Variants in DYNC2H1 observed in about 807,000 individuals in gnomAD.
DYNC2H1 encodes cytoplasmic dynein 2 heavy chain 1.
Under a neutral mutation model 570.0 loss-of-function variants are expected in DYNC2H1, and 410 were observed. The ratio of observed to expected loss-of-function variants is 0.72; its 90% CI spans 0.66 to 0.78. The LOEUF is 0.78. Ranked by LOEUF, DYNC2H1 falls within the 30% of genes least tolerant of loss-of-function variation. The pLI is 0.00. For missense variants in DYNC2H1, 4,865 were observed against 5,046.4 expected, an observed-to-expected ratio of 0.96 and a Z score of 1.09; for synonymous variants, 1,688 against 1,677.6, an observed-to-expected ratio of 1.01 and a Z score of -0.15.
At chr11:103,131,721 A>ATT (rs911586912) in intron 13 of DYNC2H1, among the ~76,000 whole-genome samples, 7 of 149,680 alleles carry the variant, frequency 4.7e-5, no homozygotes, top group South Asian at 2.1e-4. Context: ...CATATTTGAC[A>ATT]TTTTTTTTTT....
intron 87 of DYNC2H1, among the ~76,000 whole-genome samples, chr11:103,467,442 C>T (rs1033892996): frequency 6.6e-6 from 1 of 152,168 alleles, no homozygotes; most frequent in Non-Finnish European, 1.5e-5. Flanking sequence ...TTCACTCTTC[C>T]AATTTAGTGT....
chr11:103,368,883 G>A (rs897006519), intron 83 of DYNC2H1, among the ~76,000 whole-genome samples: 17 of 151,970 alleles, frequency 1.1e-4, no homozygotes, highest in African/African-American at 3.9e-4. Context: ...AAATCAGTTG[G>A]CTGACTTTGG....
At chr11:103,398,871 T>A (rs749216501) in intron 83 of DYNC2H1, among the ~76,000 whole-genome samples, 9 of 152,170 alleles carry the variant, frequency 5.9e-5, no homozygotes, top group Non-Finnish European at 8.8e-5. Context: ...TAAGATATAA[T>A]GTTCACTGAT....
chr11:103,422,520 C>T (rs1033662611), intron 84 of DYNC2H1, among the ~76,000 whole-genome samples: 31 of 152,060 alleles, frequency 2.0e-4, no homozygotes, highest in Admixed American at 1.9e-3. Context: ...CCCTGGGATG[C>T]AAGGTTTGTT....
chr11:103,378,609 G>A (rs2566944), intron 83 of DYNC2H1, among the ~76,000 whole-genome samples: 102,439 of 152,040 alleles, frequency 0.67, 34,607 homozygotes, highest in Admixed American at 0.73. Context: ...TCATTGAAAT[G>A]AAAATAATCA....
chr11:103,467,894 T>C (rs1449710672), intron 87 of DYNC2H1, among the ~76,000 whole-genome samples: 1 of 152,194 alleles, frequency 6.6e-6, no homozygotes, highest in African/African-American at 2.4e-5. Context: ...TATGATAATA[T>C]AGATGTGGCT....
At chr11:103,408,848 A>AC (rs1254043074) in intron 84 of DYNC2H1, among the ~76,000 whole-genome samples, 7 of 152,018 alleles carry the variant, frequency 4.6e-5, no homozygotes, top group Admixed American at 4.6e-4. Context: ...CTCCAAGGTC[A>AC]CCCCAGCCAA....
intron 83 of DYNC2H1, among the ~76,000 whole-genome samples, chr11:103,365,052 A>G (rs1940836659): frequency 6.6e-6 from 1 of 152,094 alleles, no homozygotes; most frequent in Non-Finnish European, 1.5e-5. Context: ...AATATTTTAC[A>G]TTGGTAAGTT....
chr11:103,127,586 A>C (rs576415968), intron 12 of DYNC2H1, among the ~76,000 whole-genome samples: 1 of 152,228 alleles, frequency 6.6e-6, no homozygotes, highest in African/African-American at 2.4e-5. Flanking sequence ...AGCATCTACT[A>C]TGTGCCAAGA....
chr11:103,244,195 C>T lies in DYNC2H1; in HGVS notation c.9918+404C>T, dbSNP rs1864524488. Among the ~76,000 whole-genome samples, 1 of 152,014 alleles carries T rather than the reference C, an allele frequency of 6.6e-6. No homozygotes were observed. Among genetic ancestry groups the T allele is most frequent in the Admixed American group, 6.6e-5 (1 of 15,252 alleles). ...AGCATATTTACAGTTTCTCTGAATGCCTCTCATAATTTCCAATTTCTTTAA... is the reference window on the plus strand; with the variant it reads ...AGCATATTTACAGTTTCTCTGAATGTCTCTCATAATTTCCAATTTCTTTAA... On this transcript the variant is annotated intron_variant, in intron 64 of 88. Transcript: ENST00000375735. The surrounding 1 kb of genome is among the most constrained non-coding windows in gnomAD (Gnocchi z 4.3).
rs926214928 is a variant in DYNC2H1 at position 103,165,753 on chromosome 11, T to G, written c.4612-145T>G. The G allele has an allele frequency of 1.5e-4, 87 of 595,034 alleles. No homozygotes were observed. The East Asian group carries it at 2.8e-3, about 19-fold the overall frequency. The allele number at this position is 595,034 out of a possible 1,614,324, so 36.9% of individuals were successfully genotyped here. On this transcript the variant is annotated intron_variant, in intron 30 of 88. Coordinates refer to ENST00000375735, the MANE Select transcript of DYNC2H1 (RefSeq NM_001377.3). ...TTTTTCTACTACTATATTACTCTAT[T>G]AATATTTAAGGTTCCAGTATGACAT...
chr11:103,210,749 G>GTTTGGAAAAGTGAAATATATAGTTT (rs1863125433), intron 53 of DYNC2H1, among the ~76,000 whole-genome samples: 1 of 151,952 alleles, frequency 6.6e-6, no homozygotes, highest in South Asian at 2.1e-4. Flanking sequence ...AGTGAAACAG[G>GTTTGGAAAAGTGAAATATATAGTTT]CATCTTATGA....
At chr11:103,312,171 C>T (rs1867620125) in intron 79 of DYNC2H1, 138 bp downstream of exon 79, 6 of 815,622 alleles carry the variant, frequency 7.4e-6, no homozygotes, top group Admixed American at 3.1e-5. Flanking sequence ...ACCTGAGGTC[C>T]GGAGTTTGAG....
chr11:103,410,047 G>A (rs1174200010), intron 84 of DYNC2H1, among the ~76,000 whole-genome samples: 1 of 151,020 alleles, frequency 6.6e-6, no homozygotes, highest in Admixed American at 6.6e-5. Flanking sequence ...AAGTGATCAG[G>A]TCATGATGAA....
rs1202715810 is a variant in DYNC2H1, at chr11:103,299,250, C to T, written c.11096-3843C>T. Among the ~76,000 whole-genome samples, 1 of 151,964 alleles carries T rather than the reference C, an allele frequency of 6.6e-6. No homozygotes were observed. Among genetic ancestry groups the T allele is most frequent in the Admixed American group, 6.6e-5 (1 of 15,248 alleles). On this transcript the variant is annotated intron_variant, in intron 75 of 88. Transcript: ENST00000375735. This position sits in a 1 kb window ranked among gnomAD's most constrained non-coding sequence, Gnocchi z 4.5. ...TATGGCATCATCCCATCCCATGCACCCTGCTTTCATAGCTCAATCTGTCTT... is the reference window on the plus strand; with the variant it reads ...TATGGCATCATCCCATCCCATGCACTCTGCTTTCATAGCTCAATCTGTCTT...
rs140609680 is a variant in DYNC2H1 at position 103,181,661 on chromosome 11, T to C, written c.6348-96T>C. 1 of 1,304,296 alleles carries C rather than the reference T, an allele frequency of 7.7e-7. No homozygotes were observed. The highest frequency in any genetic ancestry group is 2.6e-5 in the East Asian group (1 of 38,818). The allele number at this position is 1,304,296 out of a possible 1,614,324, so 80.8% of individuals were successfully genotyped here. On this transcript the variant is annotated intron_variant, in intron 39 of 88. Transcript: ENST00000375735. This position sits in a 1 kb window ranked among gnomAD's most constrained non-coding sequence, Gnocchi z 5.0. ...CTTTTGTATGCTAGCAGACAAAATA[T>C]GTGCGTAGAATAATGTTTATTGGAG...
intron 17 of DYNC2H1, among the ~76,000 whole-genome samples, chr11:103,137,674 T>G (rs1452296319): frequency 6.6e-6 from 1 of 151,950 alleles, no homozygotes; most frequent in Non-Finnish European, 1.5e-5. Flanking sequence ...GCCTCCAGCT[T>G]TGTTCTTTTG....
At chr11:103,410,110 C>A (rs1376335251) in intron 84 of DYNC2H1, among the ~76,000 whole-genome samples, 1 of 152,014 alleles carries the variant, frequency 6.6e-6, no homozygotes, top group African/African-American at 2.4e-5. Context: ...TTGGTTTGTC[C>A]AAATGCACTT....
intron 65 of DYNC2H1, among the ~76,000 whole-genome samples, chr11:103,246,062 C>G (rs1363678479): frequency 6.6e-6 from 1 of 152,060 alleles, no homozygotes; most frequent in African/African-American, 2.4e-5. Context: ...TTGTCCCTCA[C>G]ATTGATATGT....
Sources: gnomAD v4.1 joint callset for allele counts (sites outside exome capture counted in the v4.1 genomes callset) on GRCh38, gnomAD v4.1.1 for gene constraint, Gnocchi (gnomAD v3.1) non-coding constraint, MANE v1.5 for transcripts, NCBI Gene and HGNC (gene_info 2026-07-23, HGNC 2026-07-21) for gene names.